AGTPBP1: variants seen among roughly 807,000 people sequenced by gnomAD.
The protein encoded by AGTPBP1 is cytosolic carboxypeptidase 1.
In AGTPBP1, 70 loss-of-function variants were observed where a neutral mutation model predicts 143.9. That is an observed-to-expected ratio of 0.49 (90% CI 0.40 to 0.59). The LOEUF is 0.59. Ranked by LOEUF, AGTPBP1 falls within the 20% of genes least tolerant of loss-of-function variation. AGTPBP1 has a pLI of 0.00. For missense variants in AGTPBP1, 1,229 were observed against 1,464.5 expected, an observed-to-expected ratio of 0.84 and a Z score of 2.62; for synonymous variants, 463 against 500.2, an observed-to-expected ratio of 0.93 and a Z score of 0.99.
the AGTPBP1 span, among the ~76,000 whole-genome samples, chr9:85,750,484 C>T: frequency 4.6e-5 from 7 of 152,182 alleles, no homozygotes; most frequent in Non-Finnish European, 8.8e-5. Flanking sequence ...GGAAACTAAT[C>T]AAATGTTCTC....
intron 17 of AGTPBP1, among the ~76,000 whole-genome samples, chr9:85,611,696 T>G (rs1372148640): frequency 3.3e-5 from 5 of 152,312 alleles, no homozygotes; most frequent in Non-Finnish European, 4.4e-5. Context: ...AATATATTTT[T>G]GGGGGACAGA....
At chr9:85,693,415 T>C (rs957303100) in intron 2 of AGTPBP1, among the ~76,000 whole-genome samples, 2 of 152,158 alleles carry the variant, frequency 1.3e-5, no homozygotes, top group Admixed American at 1.3e-4. Context: ...CTGGCCAACA[T>C]GGTGAAACCC....
intron 8 of AGTPBP1, among the ~76,000 whole-genome samples, chr9:85,667,614 A>C (rs1172009378): frequency 1.3e-5 from 2 of 152,120 alleles, no homozygotes; most frequent in Non-Finnish European, 2.9e-5. Flanking sequence ...CCACCTATGA[A>C]ATATTTTTGA....
intron 24 of AGTPBP1, among the ~76,000 whole-genome samples, chr9:85,576,048 C>T (rs1383201151): frequency 6.6e-6 from 1 of 152,118 alleles, no homozygotes; most frequent in Non-Finnish European, 1.5e-5. Context: ...TCAGAATGCT[C>T]ATTTCAAATT....
intron 25 of AGTPBP1, among the ~76,000 whole-genome samples, chr9:85,571,304 T>C (rs151121682): frequency 2.0e-3 from 302 of 152,164 alleles, no homozygotes; most frequent in African/African-American, 7.0e-3. Context: ...ATAAAGAACA[T>C]GCAGTGATAG....
the AGTPBP1 span, chr9:85,792,033 C>A: frequency 6.6e-6 from 1 of 152,080 alleles, no homozygotes; most frequent in Admixed American, 6.6e-5. Context: ...TTGCTGTAGG[C>A]AAAATGGGAT....
intron 13 of AGTPBP1, among the ~76,000 whole-genome samples, chr9:85,641,690 G>T (rs1832479667): frequency 6.6e-6 from 1 of 151,868 alleles, no homozygotes; most frequent in Non-Finnish European, 1.5e-5. Context: ...GTAAATTCTA[G>T]GTGATAAATG....
the AGTPBP1 span, among the ~76,000 whole-genome samples, chr9:85,771,902 G>A: frequency 4.0e-5 from 6 of 150,972 alleles, no homozygotes; most frequent in Admixed American, 1.3e-4. Flanking sequence ...CTCATGATCC[G>A]CCCGCCTCGG....
chr9:85,633,290 C>T lies in AGTPBP1; in HGVS notation c.1387G>A (p.Glu463Lys), dbSNP rs1379017117. 5.6e-6 allele frequency: 9 copies of T among 1,613,746 alleles called. No individual in the cohort carries two copies. Among genetic ancestry groups the T allele is most frequent in the East Asian group, 2.2e-5 (1 of 44,884 alleles). Reference sequence around the variant, plus strand: ...TTGCCAGAATTCCCAGATGTTTCCTCGCCTGCCGTAGGAACAACAATAGGA... The same window carrying T: ...TTGCCAGAATTCCCAGATGTTTCCTTGCCTGCCGTAGGAACAACAATAGGA... The part of the protein sequence containing the change: ...RGPIVVPTAG[E>K]ETSGNSGNLR... The change falls in exon 14 of 26, where the codon GAG (glutamate) becomes AAG (lysine). Residue 463 changes from glutamate to lysine, a missense_variant. Coordinates refer to ENST00000357081, the MANE Select transcript of AGTPBP1 (RefSeq NM_001330701.2).
chr9:85,632,634 T>C, intron 14 of AGTPBP1, 28 bp downstream of exon 14: 1 of 1,532,986 alleles, frequency 6.5e-7, no homozygotes, highest in Non-Finnish European at 8.8e-7. Flanking sequence ...TAGCCTTATT[T>C]AGAAGAGGGA....
the AGTPBP1 span, among the ~76,000 whole-genome samples, chr9:85,755,814 C>T: frequency 6.6e-6 from 1 of 152,184 alleles, no homozygotes; most frequent in African/African-American, 2.4e-5. Context: ...ATTATCAGCC[C>T]TTTCTTCGTC....
intron 17 of AGTPBP1, among the ~76,000 whole-genome samples, chr9:85,610,852 C>T (rs1481665646): frequency 6.6e-6 from 1 of 152,098 alleles, no homozygotes; most frequent in Non-Finnish European, 1.5e-5. Flanking sequence ...AAATATTGGT[C>T]CCTTTCTTTT....
At position 85,681,309 on chromosome 9, in the gene AGTPBP1, TG is replaced by T; in HGVS notation, c.183del (p.Gly63ValfsTer12). The T allele has an allele frequency of 6.2e-7, 1 of 1,612,156 alleles. No homozygotes were observed. The highest frequency in any genetic ancestry group is 8.5e-7 in the Non-Finnish European group (1 of 1,179,610). On this transcript the variant is annotated frameshift_variant, in exon 4 of 26. Transcript: ENST00000357081. LOFTEE classifies it high-confidence loss of function. Reference protein sequence around the residue: ...SQEKTRREMTAKGSTGMEILL... With the variant: ...SQEKTRREMTXKGSTGMEILL... ...AGAATTTCCATTCCTGTAGAACCTT[TG>T]GCTGTCATTTCTCTCCTTGTTTTTT...
At chr9:85,564,898 T>C (rs1301593425) in intron 25 of AGTPBP1, among the ~76,000 whole-genome samples, 2 of 152,192 alleles carry the variant, frequency 1.3e-5, no homozygotes, top group African/African-American at 2.4e-5. Context: ...ATGATGTATT[T>C]TGCTTGTGAG....
chr9:85,668,886 C>T (rs1834291630), intron 8 of AGTPBP1, among the ~76,000 whole-genome samples: 1 of 150,632 alleles, frequency 6.6e-6, no homozygotes, highest in African/African-American at 2.4e-5. Context: ...AAATATTAAA[C>T]TGTAACCAAT....
intron 1 of AGTPBP1, among the ~76,000 whole-genome samples, chr9:85,724,144 G>A (rs553560095): frequency 6.6e-5 from 10 of 151,966 alleles, no homozygotes; most frequent in African/African-American, 1.2e-4. Context: ...AAAATTAGCC[G>A]GGTGTGGTGG....
intron 13 of AGTPBP1, among the ~76,000 whole-genome samples, chr9:85,639,095 T>C (rs1832276093): frequency 6.6e-6 from 1 of 152,142 alleles, no homozygotes; most frequent in African/African-American, 2.4e-5. Flanking sequence ...AGGTTATGAT[T>C]ACAAAGACTG....
intron 18 of AGTPBP1, among the ~76,000 whole-genome samples, chr9:85,595,847 T>C (rs1429012295): frequency 1.3e-5 from 2 of 152,202 alleles, no homozygotes; most frequent in African/African-American, 2.4e-5. Flanking sequence ...ATTTCTAATT[T>C]GCTATAAGTA....
chr9:85,623,643 G>T (rs2133585365), intron 14 of AGTPBP1, among the ~76,000 whole-genome samples: 1 of 151,958 alleles, frequency 6.6e-6, no homozygotes, highest in South Asian at 2.1e-4. Context: ...TGTAATCCCA[G>T]CTACTCAAGA....
Sources: gnomAD v4.1 joint callset for allele counts (sites outside exome capture counted in the v4.1 genomes callset) on GRCh38, gnomAD v4.1.1 for gene constraint, MANE v1.5 for transcripts, NCBI Gene and HGNC (gene_info 2026-07-23, HGNC 2026-07-21) for gene names.